Variants in FAAH2 observed in about 807,000 individuals in gnomAD.
FAAH2 encodes fatty acid amide hydrolase 2.
Under a neutral mutation model 36.9 loss-of-function variants are expected in FAAH2, and 60 were observed. The observed-to-expected ratio is 1.63, with a 90% CI of 1.32 to 2.02. The LOEUF (loss-of-function observed/expected upper bound fraction) is 2.02, where lower values mean the gene tolerates loss of function less well. Among genes scored for constraint, FAAH2 ranks in the 30% most tolerant of loss-of-function variants. The probability of loss-of-function intolerance (pLI) is 0.00; values close to 1 mark genes in which losing one functional copy is unlikely to be tolerated. For synonymous variants in FAAH2, 214 were observed against 143.8 expected (o/e 1.49, Z -3.49); for missense variants, 689 against 397.5 (o/e 1.73, Z -6.23).
intron 10 of FAAH2, among the ~76,000 whole-genome samples, chrX:57,485,225 G>A (rs1241036029): frequency 8.9e-6 from 1 of 111,908 alleles, no homozygotes; most frequent in African/African-American, 3.2e-5. Flanking sequence ...ACAGGTAGGT[G>A]CCAGGCCTCC....
the FAAH2 span, among the ~76,000 whole-genome samples, chrX:57,203,533 C>T: frequency 2.7e-5 from 3 of 111,888 alleles, no homozygotes; most frequent in African/African-American, 9.8e-5. Flanking sequence ...CAATATGTCC[C>T]CCTTTGTTTT....
In FAAH2 at chrX:57,448,578, T is replaced by G. The variant is rs760942640; in HGVS notation, c.1283T>G (p.Phe428Cys). The change falls in exon 10 of 11, where the codon TTT (phenylalanine) becomes TGT (cysteine). Residue 428 changes from phenylalanine to cysteine, a missense_variant. Physicochemically the swap from Phe to Cys is radical, Grantham distance 205. Transcript: ENST00000374900. Reference protein sequence around the residue: ...LRYSNEKYQKFKAVEESLRKE... With the variant: ...LRYSNEKYQKCKAVEESLRKE... ...TATAGCAATGAGAAATACCAAAAGT[T>G]TAAGGCAGTGGAAGAAAGCCTGCGT... is the stretch of plus-strand genomic sequence containing the variant. 1 of 1,211,437 alleles carries G rather than the reference T, an allele frequency of 8.3e-7. No homozygotes were observed. The highest frequency in any genetic ancestry group is 1.1e-6 in the Non-Finnish European group (1 of 895,414).
chrX:57,268,830 A>G, the FAAH2 span, among the ~76,000 whole-genome samples: 1 of 112,072 alleles, frequency 8.9e-6, no homozygotes, highest in East Asian at 2.8e-4. Context: ...CAACCACATA[A>G]AAAAGTCTGC....
At chrX:57,211,379 C>G in the FAAH2 span, among the ~76,000 whole-genome samples, 2 of 111,380 alleles carry the variant, frequency 1.8e-5, no homozygotes, top group Non-Finnish European at 3.8e-5. Context: ...TCAGAGACAG[C>G]ATTTGCACCT....
At chrX:57,125,434 G>A in the FAAH2 span, among the ~76,000 whole-genome samples, 1 of 111,670 alleles carries the variant, frequency 9.0e-6, no homozygotes, top group African/African-American at 3.3e-5. Context: ...AAAGTAAGGG[G>A]TTGGGGGGTT....
At chrX:57,290,315 C>T in intron 1 of FAAH2, 2 of 745,581 alleles carry the variant, frequency 2.7e-6, no homozygotes, top group Non-Finnish European at 3.2e-6. Flanking sequence ...TAGACATCAG[C>T]TTGACAATCC....
At chrX:57,462,638 A>T (rs891958483) in intron 10 of FAAH2, among the ~76,000 whole-genome samples, 1 of 112,574 alleles carries the variant, frequency 8.9e-6, no homozygotes, top group Non-Finnish European at 1.9e-5. Flanking sequence ...TAAATAAACT[A>T]GGTATTGATG....
the FAAH2 span, among the ~76,000 whole-genome samples, chrX:57,234,975 T>C: frequency 1.8e-5 from 2 of 110,906 alleles, no homozygotes; most frequent in Admixed American, 9.6e-5. Flanking sequence ...AAGGCGGAGG[T>C]TGCAGTGAGC....
intron 4 of FAAH2, among the ~76,000 whole-genome samples, chrX:57,338,097 G>T (rs1351249932): frequency 2.7e-5 from 3 of 111,900 alleles, no homozygotes; most frequent in African/African-American, 9.7e-5. Flanking sequence ...CCACCAAACA[G>T]GCTTTGTGTG....
the FAAH2 span, among the ~76,000 whole-genome samples, chrX:57,204,246 C>T: frequency 9.0e-6 from 1 of 111,033 alleles, no homozygotes; most frequent in African/African-American, 3.3e-5. Context: ...TGGTATCCCT[C>T]GATTATGGGA....
chrX:57,125,514 A>G, the FAAH2 span, among the ~76,000 whole-genome samples: 2 of 111,726 alleles, frequency 1.8e-5, no homozygotes, highest in Non-Finnish European at 3.8e-5. Flanking sequence ...GCTGAGCATC[A>G]AAGTCTTTCA....
At chrX:57,417,748 C>G (rs761522860) in intron 7 of FAAH2, among the ~76,000 whole-genome samples, 57 of 112,049 alleles carry the variant, frequency 5.1e-4, no homozygotes, top group Non-Finnish European at 1.0e-3. Context: ...CTTAGCAGAG[C>G]TCTAGTGCTG....
chrX:57,446,175 G>A (rs932801532), intron 8 of FAAH2, among the ~76,000 whole-genome samples: 3 of 112,364 alleles, frequency 2.7e-5, no homozygotes, highest in Non-Finnish European at 5.6e-5. Flanking sequence ...CTTTCAATGA[G>A]GTGCTGATGG....
chrX:57,246,524 G>A, the FAAH2 span, among the ~76,000 whole-genome samples: 1 of 111,617 alleles, frequency 9.0e-6, no homozygotes, highest in Admixed American at 9.6e-5. Context: ...TATCGACCAT[G>A]ATCAATTCGG....
chrX:57,151,277 G>T, the FAAH2 span, among the ~76,000 whole-genome samples: 1 of 111,029 alleles, frequency 9.0e-6, no homozygotes, highest in Non-Finnish European at 1.9e-5. Context: ...TTGTGGCATT[G>T]TCTGTATTTC....
chrX:57,340,121 C>T (rs960373950), intron 4 of FAAH2, among the ~76,000 whole-genome samples: 9 of 111,757 alleles, frequency 8.1e-5, no homozygotes, highest in African/African-American at 1.6e-4. Flanking sequence ...CAAGAGCCCC[C>T]GGCAAACCAC....
chrX:57,431,078 C>A (rs756867167), intron 7 of FAAH2, among the ~76,000 whole-genome samples: 4 of 111,849 alleles, frequency 3.6e-5, no homozygotes, highest in African/African-American at 9.7e-5. Flanking sequence ...TAAATCGAGA[C>A]TCTCTCCTTC....
upstream of FAAH2, among the ~76,000 whole-genome samples, chrX:57,285,125 C>T (rs1430585077): frequency 8.9e-6 from 1 of 112,381 alleles, no homozygotes; most frequent in African/African-American, 3.2e-5. Context: ...CCTGCTTTAT[C>T]AGCTTTCTTT....
upstream of FAAH2, among the ~76,000 whole-genome samples, chrX:57,286,109 G>A (rs1348358719): frequency 3.6e-5 from 4 of 111,641 alleles, no homozygotes; most frequent in Non-Finnish European, 7.5e-5. Flanking sequence ...GACTTGTTGA[G>A]TTTGAACGAT....
Sources: gnomAD v4.1 joint callset for allele counts (sites outside exome capture counted in the v4.1 genomes callset) on GRCh38, gnomAD v4.1.1 for gene constraint, MANE v1.5 for transcripts, NCBI Gene and HGNC (gene_info 2026-07-23, HGNC 2026-07-21) for gene names.